Variants in RERE observed in about 807,000 individuals in gnomAD.
RERE encodes arginine-glutamic acid dipeptide repeats protein.
Under a neutral mutation model 146.1 loss-of-function variants are expected in RERE, and 40 were observed. The ratio of observed to expected loss-of-function variants is 0.27; its 90% confidence interval spans 0.21 to 0.36. RERE has a LOEUF of 0.36. Among genes scored for constraint, RERE ranks in the 10% least tolerant of loss-of-function variants. The pLI is 1.00. For synonymous variants in RERE, 1,003 were observed against 866.0 expected (o/e 1.16, Z -2.78); for missense variants, 1,933 against 2,138.7 (o/e 0.90, Z 1.90).
chr1:8,732,251 G>A (rs1640102157), intron 1 of RERE, among the ~76,000 whole-genome samples: 1 of 152,174 alleles, frequency 6.6e-6, no homozygotes, highest in African/African-American at 2.4e-5. Flanking sequence ...GGCAACCAAG[G>A]TGTCCTTCAA....
intron 1 of RERE, among the ~76,000 whole-genome samples, chr1:8,697,629 T>G (rs1440934352): frequency 6.6e-6 from 1 of 152,188 alleles, no homozygotes; most frequent in Non-Finnish European, 1.5e-5. Flanking sequence ...GACCTCGTGA[T>G]CCGCCGCCTC....
chr1:8,703,886 T>C (rs1444439121), intron 1 of RERE, among the ~76,000 whole-genome samples: 1 of 152,242 alleles, frequency 6.6e-6, no homozygotes, highest in Admixed American at 6.5e-5. Context: ...AGAACACTTC[T>C]GACCCCAGTT....
chr1:8,520,119 TAC>T (rs1440461886), intron 7 of RERE, among the ~76,000 whole-genome samples: 3 of 152,212 alleles, frequency 2.0e-5, no homozygotes, highest in African/African-American at 7.2e-5. Context: ...AACTTAAAGT[TAC>T]CACTTCCATA....
intron 7 of RERE, chr1:8,525,778 C>G: frequency 1.3e-6 from 2 of 1,599,692 alleles, no homozygotes; most frequent in Non-Finnish European, 1.7e-6. Context: ...CTGAATGGAT[C>G]ATCCATGACT....
intron 4 of RERE, among the ~76,000 whole-genome samples, chr1:8,609,154 G>A (rs1471939552): frequency 1.3e-5 from 2 of 151,946 alleles, no homozygotes; most frequent in East Asian, 3.9e-4. Flanking sequence ...GGAGGCGGAG[G>A]CTGCAGTGAG....
At chr1:8,548,942 C>T (rs1408691710) in intron 6 of RERE, among the ~76,000 whole-genome samples, 2 of 152,126 alleles carry the variant, frequency 1.3e-5, no homozygotes, top group Non-Finnish European at 2.9e-5. Flanking sequence ...TGAGATCACG[C>T]CACTGCACTC....
At chr1:8,359,495 G>A (rs745345794) in intron 19 of RERE, among the ~76,000 whole-genome samples, 6 of 152,224 alleles carry the variant, frequency 3.9e-5, no homozygotes, top group Non-Finnish European at 8.8e-5. Context: ...GCAGGAGAAG[G>A]ACAGGCCCTT....
chr1:8,762,343 C>T (rs1221640701), intron 1 of RERE, among the ~76,000 whole-genome samples: 1 of 152,296 alleles, frequency 6.6e-6, no homozygotes, highest in African/African-American at 2.4e-5. Context: ...TGAAAATATA[C>T]TTGCACACAG....
chr1:8,816,075 C>A (rs1433317902), intron 1 of RERE, among the ~76,000 whole-genome samples: 1 of 152,084 alleles, frequency 6.6e-6, no homozygotes, highest in Non-Finnish European at 1.5e-5. Flanking sequence ...CTCCCCTCCC[C>A]CAACAGACTG....
intron 11 of RERE, chr1:8,425,523 G>A (rs1643999164): frequency 6.6e-6 from 1 of 152,458 alleles, no homozygotes; most frequent in Non-Finnish European, 1.5e-5. Flanking sequence ...GGTGGGAGGT[G>A]GCTTGGTGAC....
intron 1 of RERE, among the ~76,000 whole-genome samples, chr1:8,815,900 G>A (rs1641903533): frequency 6.6e-6 from 1 of 151,086 alleles, no homozygotes; most frequent in Non-Finnish European, 1.5e-5. Flanking sequence ...TTTTCCCTTC[G>A]ACCTCAACAA....
intron 12 of RERE, among the ~76,000 whole-genome samples, chr1:8,385,993 A>AATATATAT (rs1553159745): frequency 5.3e-4 from 14 of 26,476 alleles, no homozygotes; most frequent in Admixed American, 1.4e-3. Context: ...AAAAAAAAAA[A>AATATATAT]ATATATATAT....
intron 12 of RERE, among the ~76,000 whole-genome samples, chr1:8,386,022 A>ATATATTTTTT (rs1186333936): frequency 3.8e-5 from 1 of 26,636 alleles, no homozygotes; most frequent in Non-Finnish European, 6.0e-5. Flanking sequence ...ATATATATAT[A>ATATATTTTTT]TTTTTTTTTT....
At chr1:8,403,274 T>A (rs1009478912) in intron 12 of RERE, among the ~76,000 whole-genome samples, 2 of 152,168 alleles carry the variant, frequency 1.3e-5, no homozygotes, top group Non-Finnish European at 2.9e-5. Flanking sequence ...TTTTGTTGTC[T>A]CTTTTGAAAT....
chr1:8,385,968 T>TAAAAAAA (rs34493389), intron 12 of RERE, among the ~76,000 whole-genome samples: 7 of 9,484 alleles, frequency 7.4e-4, no homozygotes, highest in African/African-American at 2.4e-3. Flanking sequence ...GACTCCGTCT[T>TAAAAAAA]AAAAAAAAAA....
At chr1:8,567,923 C>T (rs1026962737) in intron 4 of RERE, among the ~76,000 whole-genome samples, 12 of 152,126 alleles carry the variant, frequency 7.9e-5, no homozygotes, top group Non-Finnish European at 1.8e-4. Context: ...CCAAAAGTAT[C>T]CCACAATGTA....
At chr1:8,375,813 T>G (rs1642225517) in intron 12 of RERE, among the ~76,000 whole-genome samples, 1 of 151,200 alleles carries the variant, frequency 6.6e-6, no homozygotes, top group Non-Finnish European at 1.5e-5. Context: ...CAGCAGCCAC[T>G]GAAAATGCAT....
At chr1:8,438,676 ACT>A (rs926553547) in intron 11 of RERE, among the ~76,000 whole-genome samples, 47 of 152,008 alleles carry the variant, frequency 3.1e-4, no homozygotes, top group African/African-American at 1.1e-3. Context: ...AGCCATGAAC[ACT>A]CTCTGCGCCT....
At chr1:8,534,000 T>A (rs572388280) in intron 7 of RERE, among the ~76,000 whole-genome samples, 2 of 152,328 alleles carry the variant, frequency 1.3e-5, no homozygotes, top group Admixed American at 1.3e-4. Flanking sequence ...CCATCTCAGG[T>A]AAATGTTTCT....
Sources: gnomAD v4.1 joint callset for allele counts (sites outside exome capture counted in the v4.1 genomes callset) on GRCh38, gnomAD v4.1.1 for gene constraint, MANE v1.5 for transcripts, NCBI Gene and HGNC (gene_info 2026-07-23, HGNC 2026-07-21) for gene names.